RNF2: variants seen among roughly 807,000 people sequenced by gnomAD.
RNF2 encodes the protein ring finger protein 2, also known as E3 ubiquitin-protein ligase RING2.
A neutral mutation model predicts 37.2 loss-of-function variants in RNF2; 6 were observed. The observed-to-expected ratio is 0.16, with a 90% CI of 0.09 to 0.32. RNF2 has a LOEUF of 0.32. Among genes scored for constraint, RNF2 ranks in the 10% least tolerant of loss-of-function variants. The pLI, the probability that RNF2 is intolerant of heterozygous loss-of-function variation, is 1.00. For synonymous variants in RNF2, 133 were observed against 132.7 expected (o/e 1.00, Z -0.02); for missense variants, 251 against 404.0 (o/e 0.62, Z 3.25).
intron 2 of RNF2, among the ~76,000 whole-genome samples, chr1:185,090,761 AG>A (rs1332892705): frequency 6.6e-6 from 1 of 152,218 alleles, no homozygotes; most frequent in Non-Finnish European, 1.5e-5. Context: ...ATTAGAGCTG[AG>A]TAATCTGTGT....
intron 1 of RNF2, among the ~76,000 whole-genome samples, chr1:185,083,826 C>G (rs1020519642): frequency 6.7e-6 from 1 of 149,688 alleles, no homozygotes; most frequent in Admixed American, 6.7e-5. Context: ...AGGCTGGTCT[C>G]AAACTCTGGG....
At chr1:185,047,980 G>A (rs1023704992) in intron 1 of RNF2, among the ~76,000 whole-genome samples, 3 of 152,026 alleles carry the variant, frequency 2.0e-5, no homozygotes, top group African/African-American at 4.8e-5. Context: ...TATAATTTGG[G>A]GTACAAAGGT....
chr1:185,082,349 T>TTTTTTTTTTTTTTTTTTTTTTG (rs1651447737), intron 1 of RNF2, among the ~76,000 whole-genome samples: 1 of 44,726 alleles, frequency 2.2e-5, no homozygotes, highest in Non-Finnish European at 4.7e-5. Context: ...GCAGAACTTT[T>TTTTTTTTTTTTTTTTTTTTTTG]TTTTTTTTTT....
At position 185,093,743 on chromosome 1, in the gene RNF2, G is replaced by A. The variant is rs573773455; in HGVS notation, c.464+467G>A. On this transcript the variant is annotated intron_variant, in intron 4 of 6. Transcript: ENST00000367510. ...ATTTTCTTCACCTGGCTTTCAGGAG[G>A]CCATAGTCTCTTGGTTCCCTTTGTA... Among the ~76,000 whole-genome samples, 112 of 152,166 alleles carry A rather than the reference G, an allele frequency of 7.4e-4. 1 individual carries two copies. The highest frequency in any genetic ancestry group is 2.3e-3 in the Admixed American group (35 of 15,280).
chr1:185,067,087 T>C (rs1208655694), intron 1 of RNF2, among the ~76,000 whole-genome samples: 3 of 152,252 alleles, frequency 2.0e-5, no homozygotes, highest in Admixed American at 6.5e-5. Flanking sequence ...TTCTGTTGTA[T>C]GTTCCATATT....
intron 1 of RNF2, chr1:185,071,988 G>T (rs1650990111): frequency 6.6e-6 from 1 of 152,480 alleles, no homozygotes; most frequent in Non-Finnish European, 1.5e-5. Context: ...AGTAAGACAT[G>T]AATAGGTAGA....
chr1:185,074,612 A>G (rs1651089200), intron 1 of RNF2, among the ~76,000 whole-genome samples: 1 of 152,154 alleles, frequency 6.6e-6, no homozygotes, highest in African/African-American at 2.4e-5. Context: ...ACAAAGAAAA[A>G]AAAAGACCAG....
At chr1:185,058,009 C>T (rs1650486136) in intron 1 of RNF2, among the ~76,000 whole-genome samples, 2 of 152,080 alleles carry the variant, frequency 1.3e-5, no homozygotes, top group African/African-American at 4.8e-5. Context: ...CCTATAGTCT[C>T]AGTTACTCAG....
chr1:185,082,199 G>C (rs1651433939), intron 1 of RNF2, among the ~76,000 whole-genome samples: 1 of 152,100 alleles, frequency 6.6e-6, no homozygotes, highest in Non-Finnish European at 1.5e-5. Context: ...TACAACCATA[G>C]AATGGTAGAC....
intron 1 of RNF2, among the ~76,000 whole-genome samples, chr1:185,055,506 C>T (rs1038096603): frequency 6.6e-6 from 1 of 152,094 alleles, no homozygotes; most frequent in Non-Finnish European, 1.5e-5. Context: ...CTGCAGCCTC[C>T]GCCTCCCAGG....
At chr1:185,046,767 A>G (rs2102145806) in intron 1 of RNF2, among the ~76,000 whole-genome samples, 1 of 152,340 alleles carries the variant, frequency 6.6e-6, no homozygotes, top group Middle Eastern at 3.4e-3. Flanking sequence ...TATGTTTAAA[A>G]CGAATGTACG....
chr1:185,066,995 G>A (rs1650816242), intron 1 of RNF2, among the ~76,000 whole-genome samples: 1 of 152,140 alleles, frequency 6.6e-6, no homozygotes, highest in Non-Finnish European at 1.5e-5. Flanking sequence ...GTTATAGAGA[G>A]TCTAGAAATG....
chr1:185,055,626 G>T (rs1435194163), intron 1 of RNF2, among the ~76,000 whole-genome samples: 1 of 152,152 alleles, frequency 6.6e-6, no homozygotes, highest in Non-Finnish European at 1.5e-5. Flanking sequence ...TGTTGGCAAG[G>T]CTGGTCTCGA....
At chr1:185,087,472 T>A in intron 1 of RNF2, 80 bp from the exon 2 acceptor site, 1 of 1,171,712 alleles carries the variant, frequency 8.5e-7, no homozygotes, top group Non-Finnish European at 1.3e-6. Context: ...ACGTAGGAAT[T>A]TTGGTGGGAC....
chr1:185,055,647 C>T (rs530826025), intron 1 of RNF2, among the ~76,000 whole-genome samples: 7 of 152,278 alleles, frequency 4.6e-5, no homozygotes, highest in African/African-American at 1.7e-4. Context: ...ACTCGAACTC[C>T]TGATTTCAAG....
chr1:185,062,302 A>G (rs541482416), intron 1 of RNF2, among the ~76,000 whole-genome samples: 1 of 152,336 alleles, frequency 6.6e-6, no homozygotes, highest in East Asian at 1.9e-4. Context: ...GTAGGAAGTT[A>G]TAGTGTATTA....
At chr1:185,082,345 C>CCTTTTT (rs1651442966) in intron 1 of RNF2, among the ~76,000 whole-genome samples, 1 of 72,000 alleles carries the variant, frequency 1.4e-5, no homozygotes, top group Non-Finnish European at 2.9e-5. Context: ...CTCTGCAGAA[C>CCTTTTT]TTTTTTTTTT....
chr1:185,076,267 T>TG (rs1651151724), intron 1 of RNF2, among the ~76,000 whole-genome samples: 1 of 114,472 alleles, frequency 8.7e-6, no homozygotes, highest in African/African-American at 3.5e-5. Context: ...TTTTATGGGT[T>TG]GTTTTTTTTT....
rs1651815937 is a variant in RNF2 at position 185,093,130 on chromosome 1, T to C, written c.318T>C (p.Phe106=). The C allele has an allele frequency of 1.9e-6, 3 of 1,613,878 alleles. No homozygotes were observed. Among genetic ancestry groups the C allele is most frequent in the African/African-American group, 1.3e-5 (1 of 74,918 alleles). The change falls in exon 4 of 7, where the codon TTT becomes TTC. Residue 106 remains phenylalanine (F), a synonymous_variant. Transcript: ENST00000367510. ...GATCACTAAGGCCAGACCCAAACTTTGATGCACTCATCAGCAAAATTTATC... is the reference window on the plus strand; with the variant it reads ...GATCACTAAGGCCAGACCCAAACTTCGATGCACTCATCAGCAAAATTTATC... ...SKRSLRPDPN[F]DALISKIYPS... is the part of the protein sequence containing the mutation.
Sources: allele counts gnomAD v4.1 joint callset (sites outside exome capture counted in the v4.1 genomes callset), GRCh38; gene constraint gnomAD v4.1.1; transcripts MANE v1.5; gene names NCBI Gene and HGNC (gene_info 2026-07-23, HGNC 2026-07-21).